STXBP5L: variants seen among roughly 807,000 people sequenced by gnomAD.
The protein encoded by STXBP5L is syntaxin binding protein 5L.
In STXBP5L, 65 loss-of-function variants were observed where a neutral mutation model predicts 144.5. The observed-to-expected ratio is 0.45, with a 90% CI of 0.37 to 0.55. The LOEUF (loss-of-function observed/expected upper bound fraction) is 0.55. STXBP5L is among the 20% of genes least tolerant of loss of function. The probability of loss-of-function intolerance (pLI) is 0.00; values close to 1 mark genes in which losing one functional copy is unlikely to be tolerated. For missense variants in STXBP5L, 1,298 were observed against 1,405.5 expected, an observed-to-expected ratio of 0.92 and a Z score of 1.22; for synonymous variants, 505 against 469.6, an observed-to-expected ratio of 1.08 and a Z score of -0.97.
chr3:121,069,598 T>C (rs1021530083), intron 5 of STXBP5L, among the ~76,000 whole-genome samples: 12 of 152,184 alleles, frequency 7.9e-5, no homozygotes, highest in Non-Finnish European at 1.6e-4. Flanking sequence ...CACTTTATAT[T>C]TCTACCAGAA....
intron 20 of STXBP5L, among the ~76,000 whole-genome samples, chr3:121,355,391 A>G (rs183452273): frequency 1.7e-4 from 25 of 151,280 alleles, no homozygotes; most frequent in Non-Finnish European, 2.7e-4. Flanking sequence ...ATTTCTTTTT[A>G]CTCGTTTTTC....
intron 3 of STXBP5L, among the ~76,000 whole-genome samples, chr3:121,036,723 C>G (rs1170975257): frequency 3.4e-5 from 5 of 148,716 alleles, no homozygotes; most frequent in South Asian, 2.1e-4. Flanking sequence ...CTGTATCTAT[C>G]AAAATGATTG....
chr3:121,093,889 G>C (rs2042965969), intron 5 of STXBP5L, among the ~76,000 whole-genome samples: 1 of 152,050 alleles, frequency 6.6e-6, no homozygotes, highest in Non-Finnish European at 1.5e-5. Flanking sequence ...GATCTTTCCT[G>C]CTTTCTCTTG....
chr3:121,152,017 T>C (rs924203946), intron 7 of STXBP5L, among the ~76,000 whole-genome samples: 2 of 152,044 alleles, frequency 1.3e-5, no homozygotes, highest in African/African-American at 4.8e-5. Context: ...AGAGGGTTCA[T>C]AAAACATCAG....
chr3:121,040,733 G>T (rs907228635), intron 3 of STXBP5L, among the ~76,000 whole-genome samples: 2 of 151,962 alleles, frequency 1.3e-5, no homozygotes, highest in South Asian at 4.1e-4. Context: ...CCCCTTCCTT[G>T]TGTTGGAGCC....
intron 5 of STXBP5L, among the ~76,000 whole-genome samples, chr3:121,093,547 A>G (rs1313138905): frequency 2.0e-5 from 3 of 152,144 alleles, no homozygotes; most frequent in African/African-American, 4.8e-5. Flanking sequence ...TAGATTTTCT[A>G]GTTTATTTGC....
At chr3:121,399,749 G>A (rs1238278400) in intron 22 of STXBP5L, among the ~76,000 whole-genome samples, 1 of 152,146 alleles carries the variant, frequency 6.6e-6, no homozygotes, top group Non-Finnish European at 1.5e-5. Context: ...CCTCATTCTG[G>A]TAAACCCACA....
At chr3:121,135,112 A>G (rs2045186077) in intron 7 of STXBP5L, among the ~76,000 whole-genome samples, 1 of 152,106 alleles carries the variant, frequency 6.6e-6, no homozygotes, top group South Asian at 2.1e-4. Flanking sequence ...CTGGTATGAG[A>G]TGGTATCTCA....
intron 3 of STXBP5L, among the ~76,000 whole-genome samples, chr3:121,035,819 G>C (rs953829560): frequency 6.6e-6 from 1 of 152,012 alleles, no homozygotes; most frequent in Non-Finnish European, 1.5e-5. Flanking sequence ...AATGAATCTA[G>C]ATCAATTTAG....
chr3:121,243,489 C>T (rs1328117755), intron 14 of STXBP5L, among the ~76,000 whole-genome samples: 1 of 145,372 alleles, frequency 6.9e-6, no homozygotes, highest in African/African-American at 2.5e-5. Flanking sequence ...ACATTAAAGT[C>T]AACAAAAATA....
chr3:121,140,644 C>A (rs1327178340), intron 7 of STXBP5L, among the ~76,000 whole-genome samples: 1 of 152,094 alleles, frequency 6.6e-6, no homozygotes, highest in Non-Finnish European at 1.5e-5. Context: ...AACAGAAAGA[C>A]AAATTCCATA....
intron 3 of STXBP5L, among the ~76,000 whole-genome samples, chr3:120,991,850 T>C (rs991555808): frequency 6.6e-6 from 1 of 152,014 alleles, no homozygotes; most frequent in Non-Finnish European, 1.5e-5. Flanking sequence ...TTAGGAGATA[T>C]ATGTAATGTT....
chr3:121,422,449 G>C lies in STXBP5L; in HGVS notation c.*3352G>C, dbSNP rs1264428069. The C allele has an allele frequency of 1.3e-5, 2 of 152,148 alleles. No individual in the cohort carries two copies. Among genetic ancestry groups the C allele is most frequent in the Admixed American group, 6.6e-5 (1 of 15,264 alleles). The allele number at this position is 152,148 out of a possible 1,614,324, so 9.4% of individuals were successfully genotyped here. A position where few individuals can be genotyped will look rare whatever the true frequency, so the allele number is the denominator to read the frequency against. ...AATGGGCCTTTTCATTTATTCATCTGTGAGAAGCTAGAGGTATTTGTTTCC... is the reference window on the plus strand; with the variant it reads ...AATGGGCCTTTTCATTTATTCATCTCTGAGAAGCTAGAGGTATTTGTTTCC... On this transcript the variant is annotated 3_prime_UTR_variant, in exon 27 of 27. Transcript: ENST00000471454.
intron 9 of STXBP5L, among the ~76,000 whole-genome samples, chr3:121,174,182 G>GT (rs1280650664): frequency 1.3e-5 from 2 of 151,974 alleles, no homozygotes; most frequent in East Asian, 1.9e-4. Context: ...CATCTTTACA[G>GT]TTTTTTGCAT....
At chr3:121,407,700 G>A in intron 23 of STXBP5L, 97 bp downstream of exon 23, 2 of 1,445,432 alleles carry the variant, frequency 1.4e-6, no homozygotes, top group South Asian at 2.6e-5. Flanking sequence ...TTATCAAGAA[G>A]CAAACTGAGA....
chr3:120,941,808 T>A (rs1710581311), intron 2 of STXBP5L, among the ~76,000 whole-genome samples: 1 of 151,714 alleles, frequency 6.6e-6, no homozygotes, highest in Admixed American at 6.6e-5. Flanking sequence ...AGTTTAGAAC[T>A]TATTTGGGGA....
chr3:120,963,933 A>G (rs1176287067), intron 3 of STXBP5L, among the ~76,000 whole-genome samples: 1 of 152,202 alleles, frequency 6.6e-6, no homozygotes, highest in African/African-American at 2.4e-5. Flanking sequence ...GCTATTAATT[A>G]TTGCCTCAAT....
Position 121,421,004 on chromosome 3 carries a change from A to T in STXBP5L, c.*1907A>T, listed in dbSNP as rs1237691733. 6.6e-6 allele frequency: 1 copy of T among 151,994 alleles called. No homozygotes were observed. The highest frequency in any genetic ancestry group is 6.6e-5 in the Admixed American group (1 of 15,254). 9.4% of individuals were successfully genotyped at this position (151,994 alleles called of 1,614,324 possible). A position where few individuals can be genotyped will look rare whatever the true frequency, so the allele number is the denominator to read the frequency against. On this transcript the variant is annotated 3_prime_UTR_variant, in exon 27 of 27. Coordinates refer to ENST00000471454, the MANE Select transcript of STXBP5L (RefSeq NM_001308330.2). ...GACTCCTGTGAACAGCCTTACGGTA[A>T]CAGAATCTGGCTTGGAAACACAGAC...
chr3:121,078,307 G>A (rs556283474), intron 5 of STXBP5L, among the ~76,000 whole-genome samples: 8 of 148,782 alleles, frequency 5.4e-5, no homozygotes, highest in South Asian at 2.1e-4. Context: ...ACAGAGTGTC[G>A]ATTGATGCAT....
Sources: gnomAD v4.1 joint callset for allele counts (sites outside exome capture counted in the v4.1 genomes callset) on GRCh38, gnomAD v4.1.1 for gene constraint, MANE v1.5 for transcripts, NCBI Gene and HGNC (gene_info 2026-07-23, HGNC 2026-07-21) for gene names.